The following FAM167A variants were observed in gnomAD, a reference collection of about 807,000 sequenced individuals.
The protein encoded by FAM167A is family with sequence similarity 167 member A.
A neutral mutation model predicts 14.9 loss-of-function variants in FAM167A; 23 were observed. The ratio of observed to expected loss-of-function variants is 1.55; its 90% CI spans 1.11 to 2.19. The LOEUF is 2.19. FAM167A is among the 30% of genes most tolerant of loss of function. The pLI, the probability that FAM167A is intolerant of heterozygous loss-of-function variation, is 0.00. For synonymous variants in FAM167A, 174 were observed against 117.7 expected, an observed-to-expected ratio of 1.48 and a Z score of -3.10; for missense variants, 401 against 281.5, an observed-to-expected ratio of 1.42 and a Z score of -3.04.
At chr8:11,470,436 G>A (rs1401377935), upstream of FAM167A, among the ~76,000 whole-genome samples, 2 of 152,222 alleles carry the variant, frequency 1.3e-5, no homozygotes, top group African/African-American at 4.8e-5. Flanking sequence ...AGTAGAGCAT[G>A]GGTGGGAGAT....
rs1442011615 is a variant in FAM167A, at chr8:11,422,088, C to T, written c.*2285G>A. 2.9e-6 allele frequency: 1 copy of T among 341,396 alleles called. No homozygotes were observed. The highest frequency in any genetic ancestry group is 2.1e-5 in the African/African-American group (1 of 47,356). The allele number at this position is 341,396 out of a possible 1,614,324, so 21.1% of individuals were successfully genotyped here. On this transcript the variant is annotated 3_prime_UTR_variant, in exon 3 of 3. Transcript: ENST00000284486. ...CTCAGACATTTAACTTATCCCCAAA[C>T]ATGTGTCTTGATCTTAGTTTCCACC...
At position 11,423,309 on chromosome 8, in the gene FAM167A, T is replaced by G. The variant is rs998891818; in HGVS notation, c.*1064A>C. Reference sequence around the variant, plus strand: ...GGGAGAAACTCTTAAAATCAAATCCTACGCACTGTAGTTGACCTACACAAG... The same window carrying G: ...GGGAGAAACTCTTAAAATCAAATCCGACGCACTGTAGTTGACCTACACAAG... On this transcript the variant is annotated 3_prime_UTR_variant, in exon 3 of 3. Transcript: ENST00000284486. 10 of 152,424 alleles carry G rather than the reference T, an allele frequency of 6.6e-5. No homozygotes were observed. The highest frequency in any genetic ancestry group is 3.9e-4 in the Admixed American group (6 of 15,280). The allele number at this position is 152,424 out of a possible 1,614,324, so 9.4% of individuals were successfully genotyped here. A position where few individuals can be genotyped will look rare whatever the true frequency, so the allele number is the denominator to read the frequency against.
chr8:11,449,860 G>C (rs988515183), intron 1 of FAM167A, among the ~76,000 whole-genome samples: 6 of 152,186 alleles, frequency 3.9e-5, no homozygotes, highest in Admixed American at 3.3e-4. Flanking sequence ...GCCAGGTGGG[G>C]GCAGCTCAGC....
chr8:11,470,397 G>A (rs1807920756), upstream of FAM167A, among the ~76,000 whole-genome samples: 1 of 152,208 alleles, frequency 6.6e-6, no homozygotes, highest in Admixed American at 6.5e-5. Context: ...CAGCATGGAT[G>A]CCTCGAGGCC....
rs538503281 is a variant in FAM167A, at chr8:11,445,870, A to C, written c.-397-1062T>G. On this transcript the variant is annotated intron_variant, in intron 1 of 2. Coordinates refer to ENST00000284486, the MANE Select transcript of FAM167A (RefSeq NM_053279.3). ...GACATGCAGCTATAAAAAAGAATGAATTGATATGGAATGATGTTTGAGATA... is the reference window on the plus strand; with the variant it reads ...GACATGCAGCTATAAAAAAGAATGACTTGATATGGAATGATGTTTGAGATA... 3.9e-5 allele frequency among the ~76,000 whole-genome samples: 6 copies of C among 152,258 alleles called. No individual in the cohort carries two copies. In the East Asian group the frequency reaches 1.2e-3, roughly 29 times the overall value.
intron 1 of FAM167A, among the ~76,000 whole-genome samples, chr8:11,454,806 C>T (rs1807163570): frequency 1.3e-5 from 2 of 152,192 alleles, no homozygotes; most frequent in Non-Finnish European, 2.9e-5. Flanking sequence ...GAGGACCAGA[C>T]AGGACTGGGC....
chr8:11,467,844 G>A (rs994354348), upstream of FAM167A, among the ~76,000 whole-genome samples: 1 of 152,238 alleles, frequency 6.6e-6, no homozygotes, highest in Non-Finnish European at 1.5e-5. Context: ...GTCCTCTGAG[G>A]GACGTCGTCT....
At chr8:11,465,607 A>G (rs886345612) in intron 1 of FAM167A, among the ~76,000 whole-genome samples, 1 of 152,204 alleles carries the variant, frequency 6.6e-6, no homozygotes, top group African/African-American at 2.4e-5. Context: ...TATCCTGCCA[A>G]CGCCCTCAGG....
At chr8:11,451,324 C>G (rs759331114) in intron 1 of FAM167A, among the ~76,000 whole-genome samples, 1 of 152,244 alleles carries the variant, frequency 6.6e-6, no homozygotes. Context: ...AGCTGGGCCC[C>G]GTGGGAAGCC....
intron 2 of FAM167A, among the ~76,000 whole-genome samples, chr8:11,437,325 C>T (rs996546023): frequency 8.5e-5 from 13 of 152,286 alleles, no homozygotes; most frequent in South Asian, 2.1e-4. Flanking sequence ...TGATGTGAGG[C>T]GTGTGTATAA....
chr8:11,450,411 T>C (rs1446712071), intron 1 of FAM167A, among the ~76,000 whole-genome samples: 2 of 152,194 alleles, frequency 1.3e-5, no homozygotes, highest in African/African-American at 4.8e-5. Context: ...GGTATCATCA[T>C]CCCCATTTTA....
chr8:11,443,633 G>A (rs1053921843), intron 2 of FAM167A: 2 of 194,916 alleles, frequency 1.0e-5, no homozygotes, highest in Non-Finnish European at 2.1e-5. Flanking sequence ...CAGAAGAGTG[G>A]TCCCCGGAGT....
intron 2 of FAM167A, among the ~76,000 whole-genome samples, chr8:11,433,034 G>C (rs979469411): frequency 1.3e-5 from 2 of 152,110 alleles, no homozygotes; most frequent in African/African-American, 2.4e-5. Context: ...TGGACACAGG[G>C]AGGGGAACAT....
At chr8:11,463,398 C>T (rs183929372) in intron 1 of FAM167A, among the ~76,000 whole-genome samples, 1 of 152,196 alleles carries the variant, frequency 6.6e-6, no homozygotes. Flanking sequence ...AAGGCAAAGA[C>T]CCTCATCCAG....
chr8:11,470,646 C>T (rs147541516), upstream of FAM167A, among the ~76,000 whole-genome samples: 58 of 152,216 alleles, frequency 3.8e-4, no homozygotes, highest in Non-Finnish European at 5.9e-4. Context: ...TACTTGAAGG[C>T]GATTCCTGGA....
At chr8:11,426,748 T>C (rs1233531819) in intron 2 of FAM167A, among the ~76,000 whole-genome samples, 3 of 152,154 alleles carry the variant, frequency 2.0e-5, no homozygotes, top group Admixed American at 6.5e-5. Context: ...CAGCCTTTGG[T>C]TGATCAGTCT....
intron 2 of FAM167A, among the ~76,000 whole-genome samples, chr8:11,438,959 G>C (rs555483051): frequency 3.3e-5 from 5 of 152,334 alleles, no homozygotes; most frequent in African/African-American, 1.2e-4. Flanking sequence ...GGCAGTGCTA[G>C]CAACCTCCTG....
intron 2 of FAM167A, chr8:11,438,487 G>A (rs1451736861): frequency 2.2e-6 from 1 of 457,340 alleles, no homozygotes; most frequent in Non-Finnish European, 4.4e-6. Flanking sequence ...CGATTACATT[G>A]GCAAGGGAGA....
chr8:11,448,911 G>A (rs556235571), intron 1 of FAM167A, among the ~76,000 whole-genome samples: 18 of 152,226 alleles, frequency 1.2e-4, no homozygotes, highest in Non-Finnish European at 2.4e-4. Context: ...CAATGGCTGA[G>A]GATCTATGGA....
Sources: allele counts gnomAD v4.1 joint callset (sites outside exome capture counted in the v4.1 genomes callset), GRCh38; gene constraint gnomAD v4.1.1; transcripts MANE v1.5; gene names NCBI Gene and HGNC (gene_info 2026-07-23, HGNC 2026-07-21).